Variants in HORMAD2 observed in about 807,000 individuals in gnomAD.
The protein encoded by HORMAD2 is HORMA domain-containing protein 2.
Under a neutral mutation model 38.8 loss-of-function variants are expected in HORMAD2, and 45 were observed. The observed-to-expected ratio is 1.16, with a 90% CI of 0.91 to 1.49. The LOEUF (loss-of-function observed/expected upper bound fraction) is 1.49. Among genes scored for constraint, HORMAD2 ranks in the 40% most tolerant of loss-of-function variants. The pLI, the probability that HORMAD2 is intolerant of heterozygous loss-of-function variation, is 0.00. For synonymous variants in HORMAD2, 126 were observed against 122.8 expected (o/e 1.03, Z -0.17); for missense variants, 338 against 367.0 (o/e 0.92, Z 0.65).
At chr22:30,161,984 A>G (rs574421946) in intron 10 of HORMAD2, among the ~76,000 whole-genome samples, 1 of 152,266 alleles carries the variant, frequency 6.6e-6, no homozygotes, top group Non-Finnish European at 1.5e-5. Context: ...AAAACTGCCA[A>G]TAAGGATATT....
At chr22:30,084,173 A>G (rs1172036570) in intron 1 of HORMAD2, among the ~76,000 whole-genome samples, 1 of 152,168 alleles carries the variant, frequency 6.6e-6, no homozygotes, top group Non-Finnish European at 1.5e-5. Flanking sequence ...CTGGGTAACT[A>G]AAAAGAGCAG....
At chr22:30,111,015 G>T (rs529032996) in intron 5 of HORMAD2, among the ~76,000 whole-genome samples, 51 of 151,836 alleles carry the variant, frequency 3.4e-4, no homozygotes, top group African/African-American at 1.0e-3. Flanking sequence ...AATTAGCTGG[G>T]CGTGGTGGTG....
intron 10 of HORMAD2, among the ~76,000 whole-genome samples, chr22:30,133,992 G>A (rs1197966564): frequency 6.6e-6 from 1 of 152,040 alleles, no homozygotes; most frequent in African/African-American, 2.4e-5. Flanking sequence ...CCAATGGAGG[G>A]CTCTTTCTGC....
At chr22:30,117,381 A>T (rs1922119790) in intron 7 of HORMAD2, among the ~76,000 whole-genome samples, 1 of 152,184 alleles carries the variant, frequency 6.6e-6, no homozygotes, top group Non-Finnish European at 1.5e-5. Context: ...ATACTGTATG[A>T]CATATCTGGG....
chr22:30,187,115 T>C, the HORMAD2 span, among the ~76,000 whole-genome samples: 16 of 152,236 alleles, frequency 1.1e-4, no homozygotes, highest in Non-Finnish European at 2.1e-4. Context: ...AGTAGCATTC[T>C]AGAGAAAATT....
At chr22:30,088,037 G>A (rs1003129996) in intron 1 of HORMAD2, among the ~76,000 whole-genome samples, 2 of 139,902 alleles carry the variant, frequency 1.4e-5, no homozygotes, top group Non-Finnish European at 3.2e-5. Flanking sequence ...CTGTATATGT[G>A]TATACACACG....
downstream of HORMAD2, among the ~76,000 whole-genome samples, chr22:30,180,436 T>C (rs1047874395): frequency 1.3e-5 from 2 of 152,166 alleles, no homozygotes; most frequent in Non-Finnish European, 2.9e-5. Flanking sequence ...AGGTTCCATA[T>C]GGGTAATTAC....
intron 5 of HORMAD2, 98 bp downstream of exon 5, chr22:30,104,535 A>T (rs1299491892): frequency 6.2e-6 from 6 of 970,474 alleles, no homozygotes; most frequent in Non-Finnish European, 9.4e-6. Context: ...GTTTAACAGT[A>T]TAAGTGTCTA....
chr22:30,122,147 A>G lies in HORMAD2; in HGVS notation c.752A>G (p.Glu251Gly), dbSNP rs375998548. 1.9e-5 allele frequency: 31 copies of G among 1,613,502 alleles called. No homozygotes were observed. Among genetic ancestry groups the G allele is most frequent in the Non-Finnish European group, 2.5e-5 (29 of 1,179,686 alleles). Residue 251 changes from glutamate to glycine, a missense_variant, in exon 10 of 11, where the codon GAG becomes GGG. Coordinates refer to ENST00000336726, the MANE Select transcript of HORMAD2 (RefSeq NM_152510.4). ...GATTTGGAGAACAATCTGTTTCGGG[A>G]GAACAGCACTACTGAGATCGCCCAT... The part of the protein sequence containing the change: ...VIDLENNLFR[E>G]NSTTEIAHQG...
At chr22:30,099,021 G>A in intron 3 of HORMAD2, 28 bp downstream of exon 3, 1 of 1,591,778 alleles carries the variant, frequency 6.3e-7, no homozygotes, top group Non-Finnish European at 8.6e-7. Context: ...AGTCTCTTTG[G>A]CTGTTGTAGC....
At chr22:30,195,402 G>A in the HORMAD2 span, among the ~76,000 whole-genome samples, 1 of 152,106 alleles carries the variant, frequency 6.6e-6, no homozygotes, top group Admixed American at 6.6e-5. Context: ...CTATGTCAGG[G>A]GCAAGACTGT....
the HORMAD2 span, chr22:30,207,179 G>A: frequency 2.2e-6 from 1 of 447,018 alleles, no homozygotes; most frequent in Middle Eastern, 3.4e-4. Context: ...TCCGCAGAGA[G>A]GTTTGGAAGG....
At chr22:30,156,890 C>G (rs758552082) in intron 10 of HORMAD2, among the ~76,000 whole-genome samples, 6 of 152,208 alleles carry the variant, frequency 3.9e-5, no homozygotes, top group Non-Finnish European at 8.8e-5. Flanking sequence ...CTCCAAACCT[C>G]TTCAAGATAT....
At chr22:30,148,461 CA>C (rs1335580179) in intron 10 of HORMAD2, among the ~76,000 whole-genome samples, 2 of 151,960 alleles carry the variant, frequency 1.3e-5, no homozygotes, top group South Asian at 4.1e-4. Flanking sequence ...GTGGTTGTTT[CA>C]AGGATATATA....
intron 10 of HORMAD2, among the ~76,000 whole-genome samples, chr22:30,123,665 A>ATTTC (rs1364413048): frequency 6.7e-6 from 1 of 150,168 alleles, no homozygotes; most frequent in Non-Finnish European, 1.5e-5. Flanking sequence ...TTATTTATTT[A>ATTTC]TTTATTTATT....
At chr22:30,095,165 T>C (rs1245992646) in intron 2 of HORMAD2, among the ~76,000 whole-genome samples, 1 of 152,210 alleles carries the variant, frequency 6.6e-6, no homozygotes, top group East Asian at 1.9e-4. Context: ...GTGTTGCATG[T>C]ATGGTGTTTA....
intron 10 of HORMAD2, among the ~76,000 whole-genome samples, chr22:30,139,520 A>G (rs1410209036): frequency 6.6e-6 from 1 of 151,752 alleles, no homozygotes; most frequent in Non-Finnish European, 1.5e-5. Flanking sequence ...GATTTTCTAT[A>G]TACAAAAGCA....
intron 2 of HORMAD2, among the ~76,000 whole-genome samples, chr22:30,097,000 A>G (rs1407087411): frequency 1.3e-5 from 2 of 152,216 alleles, no homozygotes; most frequent in Non-Finnish European, 2.9e-5. Context: ...AAAGTTTAAT[A>G]TAGTCTAATT....
At chr22:30,182,410 G>C in the HORMAD2 span, among the ~76,000 whole-genome samples, 1 of 152,210 alleles carries the variant, frequency 6.6e-6, no homozygotes, top group Non-Finnish European at 1.5e-5. Context: ...GTCCTTTGTA[G>C]CATAATTGAC....
Sources: allele counts gnomAD v4.1 joint callset (sites outside exome capture counted in the v4.1 genomes callset), GRCh38; gene constraint gnomAD v4.1.1; transcripts MANE v1.5; gene names NCBI Gene and HGNC (gene_info 2026-07-23, HGNC 2026-07-21).